Variants in GRIN2A observed in about 807,000 individuals in gnomAD.
GRIN2A encodes glutamate ionotropic receptor NMDA type subunit 2A, also known as glutamate receptor ionotropic, NMDA 2A.
Under a neutral mutation model 113.4 loss-of-function variants are expected in GRIN2A, and 22 were observed. The ratio of observed to expected loss-of-function variants is 0.19; its 90% CI spans 0.14 to 0.28. The LOEUF (loss-of-function observed/expected upper bound fraction) is 0.28, where lower values mean the gene tolerates loss of function less well. GRIN2A is among the 10% of genes least tolerant of loss of function. The pLI is 1.00. For missense variants in GRIN2A, 1,502 were observed against 1,887.0 expected, an observed-to-expected ratio of 0.80 and a Z score of 3.78; for synonymous variants, 827 against 738.4, an observed-to-expected ratio of 1.12 and a Z score of -1.94.
intron 11 of GRIN2A, among the ~76,000 whole-genome samples, chr16:9,786,366 A>G (rs1902229765): frequency 1.3e-5 from 2 of 152,186 alleles, no homozygotes; most frequent in Non-Finnish European, 2.9e-5. Context: ...AATGATCTCA[A>G]AAATTAGGCT....
chr16:9,975,301 C>T (rs921007377), intron 2 of GRIN2A, among the ~76,000 whole-genome samples: 4 of 152,108 alleles, frequency 2.6e-5, no homozygotes, highest in Non-Finnish European at 5.9e-5. Flanking sequence ...TGATTATGGA[C>T]CTAAAAACGG....
chr16:9,912,507 T>G (rs1392211875), intron 3 of GRIN2A, among the ~76,000 whole-genome samples: 1 of 59,392 alleles, frequency 1.7e-5, no homozygotes, highest in African/African-American at 6.9e-5. Flanking sequence ...TCAGAGTAAG[T>G]GGGTGGGGTG....
intron 2 of GRIN2A, among the ~76,000 whole-genome samples, chr16:9,997,947 T>C (rs2046255814): frequency 6.6e-6 from 1 of 152,224 alleles, no homozygotes; most frequent in African/African-American, 2.4e-5. Context: ...CTCTTTTTCT[T>C]TGTAAATTAC....
intron 2 of GRIN2A, chr16:10,179,714 C>G: frequency 2.0e-6 from 1 of 501,512 alleles, no homozygotes; most frequent in Admixed American, 3.3e-5. Flanking sequence ...GCCACCACCA[C>G]CACCCCACAG....
At chr16:10,095,751 T>C (rs2048277067) in intron 2 of GRIN2A, among the ~76,000 whole-genome samples, 1 of 152,188 alleles carries the variant, frequency 6.6e-6, no homozygotes, top group African/African-American at 2.4e-5. Flanking sequence ...CAGTAGAGAC[T>C]GCAGATACTA....
chr16:9,900,678 G>C (rs933981534), intron 3 of GRIN2A, among the ~76,000 whole-genome samples: 1 of 152,164 alleles, frequency 6.6e-6, no homozygotes, highest in Non-Finnish European at 1.5e-5. Context: ...TAATAAAGTG[G>C]TTCTTCGAAT....
At chr16:10,032,275 G>C (rs557908137) in intron 2 of GRIN2A, among the ~76,000 whole-genome samples, 1 of 152,206 alleles carries the variant, frequency 6.6e-6, no homozygotes, top group Non-Finnish European at 1.5e-5. Context: ...CTATGCCAGA[G>C]AGACATGGGA....
rs774897755 is a variant in GRIN2A at position 9,755,384 on chromosome 16, A to G, written c.*7765T>C. The G allele has an allele frequency of 5.4e-6, 1 of 186,288 alleles. No homozygotes were observed. Among genetic ancestry groups the G allele is most frequent in the Non-Finnish European group, 1.1e-5 (1 of 88,006 alleles). 11.5% of individuals were successfully genotyped at this position (186,288 alleles called of 1,614,324 possible). A position where few individuals can be genotyped will look rare whatever the true frequency, so the allele number is the denominator to read the frequency against. ...GGAGAACATGGTCACGCACTTGTAGACCCAACAACAGGATCTCCAAATAAC... is the reference window on the plus strand; with the variant it reads ...GGAGAACATGGTCACGCACTTGTAGGCCCAACAACAGGATCTCCAAATAAC... On this transcript the variant is annotated 3_prime_UTR_variant, in exon 13 of 13. Coordinates refer to ENST00000330684, the MANE Select transcript of GRIN2A (RefSeq NM_001134407.3).
At chr16:9,834,944 A>T (rs1168097437) in intron 7 of GRIN2A, among the ~76,000 whole-genome samples, 1 of 152,226 alleles carries the variant, frequency 6.6e-6, no homozygotes, top group Non-Finnish European at 1.5e-5. Context: ...CCCAAATAGT[A>T]AACCATAGGC....
intron 11 of GRIN2A, among the ~76,000 whole-genome samples, chr16:9,796,132 C>CTGTT (rs1378861180): frequency 1.3e-5 from 2 of 152,170 alleles, no homozygotes; most frequent in Non-Finnish European, 2.9e-5. Context: ...AATATGTTAG[C>CTGTT]TGTTTTATAA....
intron 2 of GRIN2A, among the ~76,000 whole-genome samples, chr16:9,992,218 T>C (rs1264319698): frequency 2.0e-5 from 3 of 152,164 alleles, no homozygotes; most frequent in Non-Finnish European, 4.4e-5. Flanking sequence ...CTTGAAAAGA[T>C]AGGGAATCAA....
intron 5 of GRIN2A, among the ~76,000 whole-genome samples, chr16:9,844,259 T>C (rs1418760869): frequency 3.3e-5 from 5 of 152,196 alleles, no homozygotes; most frequent in Non-Finnish European, 7.3e-5. Context: ...ACATGAGGTA[T>C]ATTTCTAAAT....
At chr16:9,968,218 C>T (rs939284134) in intron 2 of GRIN2A, among the ~76,000 whole-genome samples, 8 of 152,126 alleles carry the variant, frequency 5.3e-5, no homozygotes, top group Admixed American at 4.6e-4. Context: ...TGCTTCCTTC[C>T]TTCTTCTCTC....
At chr16:9,974,650 C>T (rs562396413) in intron 2 of GRIN2A, among the ~76,000 whole-genome samples, 19 of 152,220 alleles carry the variant, frequency 1.2e-4, no homozygotes, top group Non-Finnish European at 7.4e-5. Context: ...CGTCCTGCTA[C>T]AAGGGGAATG....
chr16:10,051,280 G>A (rs569474073), intron 2 of GRIN2A, among the ~76,000 whole-genome samples: 1 of 152,168 alleles, frequency 6.6e-6, no homozygotes, highest in Non-Finnish European at 1.5e-5. Context: ...GGAATTCTAA[G>A]CTCAAATAAC....
chr16:9,960,558 G>T (rs1042071478), intron 2 of GRIN2A, among the ~76,000 whole-genome samples: 1 of 152,172 alleles, frequency 6.6e-6, no homozygotes, highest in African/African-American at 2.4e-5. Flanking sequence ...AAGTCAACCA[G>T]ACTATCTTTT....
chr16:9,959,198 G>A (rs2045376082), intron 2 of GRIN2A, among the ~76,000 whole-genome samples: 1 of 152,170 alleles, frequency 6.6e-6, no homozygotes, highest in Admixed American at 6.5e-5. Flanking sequence ...GCACTCATCT[G>A]TCACAGTGCC....
rs778475556 is a variant in GRIN2A at position 9,942,594 on chromosome 16, G to A, written c.415-4043C>T. ...CGGTCCTACAGACCACACAGACATC[G>A]TCAGAAACCTAAGAGGGTCCTCATC... On this transcript the variant is annotated intron_variant, in intron 2 of 12. Coordinates refer to ENST00000330684, the MANE Select transcript of GRIN2A (RefSeq NM_001134407.3). 2.1e-4 allele frequency among the ~76,000 whole-genome samples: 32 copies of A among 152,218 alleles called. 1 individual carries two copies. Among genetic ancestry groups the A allele is most frequent in the East Asian group, 5.8e-4 (3 of 5,178 alleles).
intron 2 of GRIN2A, among the ~76,000 whole-genome samples, chr16:9,944,191 T>C (rs1032334172): frequency 1.4e-4 from 21 of 152,202 alleles, no homozygotes; most frequent in African/African-American, 4.8e-4. Context: ...ATTCTCCTGT[T>C]GAGGACTGCC....
Sources: gnomAD v4.1 joint callset for allele counts (sites outside exome capture counted in the v4.1 genomes callset) on GRCh38, gnomAD v4.1.1 for gene constraint, MANE v1.5 for transcripts, NCBI Gene and HGNC (gene_info 2026-07-23, HGNC 2026-07-21) for gene names.